The following ZFHX3 variants were observed in gnomAD, a reference collection of about 807,000 sequenced individuals.
The protein encoded by ZFHX3 is zinc finger homeobox protein 3.
A neutral mutation model predicts 279.1 loss-of-function variants in ZFHX3; 42 were observed. That is an observed-to-expected ratio of 0.15 (90% confidence interval 0.12 to 0.19). The LOEUF is 0.19. Ranked by LOEUF, ZFHX3 falls within the 10% of genes least tolerant of loss-of-function variation. The pLI is 1.00. For missense variants in ZFHX3, 4,981 were observed against 4,754.0 expected, an observed-to-expected ratio of 1.05 and a Z score of -1.40; for synonymous variants, 2,293 against 1,957.8, an observed-to-expected ratio of 1.17 and a Z score of -4.52.
intron 3 of ZFHX3, among the ~76,000 whole-genome samples, chr16:73,329,959 G>A (rs1417632657): frequency 6.6e-6 from 1 of 151,988 alleles, no homozygotes; most frequent in Admixed American, 6.6e-5. Context: ...ACTGGCTAGA[G>A]CAGTTGTTAT....
At chr16:72,868,702 A>C (rs2038083101) in intron 4 of ZFHX3, among the ~76,000 whole-genome samples, 1 of 152,200 alleles carries the variant, frequency 6.6e-6, no homozygotes, top group African/African-American at 2.4e-5. Context: ...GCTTCTTAGG[A>C]ATCTTCTCCT....
At chr16:73,086,585 T>C (rs533862594) in intron 8 of ZFHX3, among the ~76,000 whole-genome samples, 1 of 152,302 alleles carries the variant, frequency 6.6e-6, no homozygotes, top group African/African-American at 2.4e-5. Flanking sequence ...TGGACTATCG[T>C]TAGCAATAAT....
At chr16:73,721,183 G>A (rs900179933) in intron 1 of ZFHX3, among the ~76,000 whole-genome samples, 5 of 152,030 alleles carry the variant, frequency 3.3e-5, no homozygotes, top group East Asian at 1.9e-4. Context: ...ATGCAGTGGC[G>A]GGATCTCGGC....
intron 4 of ZFHX3, among the ~76,000 whole-genome samples, chr16:73,307,511 A>G (rs971199640): frequency 2.0e-5 from 3 of 152,244 alleles, no homozygotes; most frequent in Non-Finnish European, 4.4e-5. Context: ...ATTCTAGGAT[A>G]GTCCTTCAAA....
chr16:73,123,046 A>T (rs1966519304), intron 7 of ZFHX3, among the ~76,000 whole-genome samples: 1 of 152,008 alleles, frequency 6.6e-6, no homozygotes, highest in Non-Finnish European at 1.5e-5. Flanking sequence ...AGGCAGGAAG[A>T]GTGTCAGATG....
chr16:73,555,094 C>T (rs554529008), intron 2 of ZFHX3, among the ~76,000 whole-genome samples: 1 of 152,044 alleles, frequency 6.6e-6, no homozygotes, highest in Non-Finnish European at 1.5e-5. Flanking sequence ...ATGAAGGGAG[C>T]GGGAGGTGGG....
chr16:73,193,722 G>C (rs1968088870), intron 5 of ZFHX3, among the ~76,000 whole-genome samples: 1 of 152,124 alleles, frequency 6.6e-6, no homozygotes, highest in South Asian at 2.1e-4. Flanking sequence ...AGACTATGGG[G>C]CCAGACCCTG....
At chr16:73,748,295 A>G (rs439530) in intron 1 of ZFHX3, among the ~76,000 whole-genome samples, 16,784 of 152,162 alleles carry the variant, frequency 0.11, 1,599 homozygotes, top group African/African-American at 0.26. Context: ...AAAGAAAAAC[A>G]GGTCTCTGCT....
rs950622480 is a variant in ZFHX3 at position 72,798,632 on chromosome 16, G to A, written c.4050C>T (p.Asp1350=). ...QSGDLKPSPA[D]PGSVREDSGF... is the part of the protein sequence containing the mutation. ...CTGAGTCTTCTCTCACAGAGCCTGG[G>A]TCAGCAGGGGATGGTTTCAAATCTC... The change falls in exon 9 of 10, where the codon GAC becomes GAT. Residue 1350 remains aspartate (D), a synonymous_variant. Transcript: ENST00000268489. 1 of 1,613,992 alleles carries A rather than the reference G, an allele frequency of 6.2e-7. No homozygotes were observed. The highest frequency in any genetic ancestry group is 1.1e-5 in the South Asian group (1 of 91,062).
intron 4 of ZFHX3, among the ~76,000 whole-genome samples, chr16:72,867,726 A>G (rs1233400593): frequency 0.024 from 41 of 1,714 alleles, no homozygotes; most frequent in African/African-American, 0.23. Flanking sequence ...GACAGGGGAA[A>G]AAAAAAAAAA....
intron 1 of ZFHX3, among the ~76,000 whole-genome samples, chr16:73,012,627 T>C (rs1172192111): frequency 1.3e-5 from 2 of 152,104 alleles, no homozygotes; most frequent in African/African-American, 4.8e-5. Context: ...TATATCTTAA[T>C]CTAGGCAGCT....
At chr16:73,435,087 T>C (rs941659852) in intron 3 of ZFHX3, among the ~76,000 whole-genome samples, 1 of 152,288 alleles carries the variant, frequency 6.6e-6, no homozygotes, top group East Asian at 1.9e-4. Context: ...GCTGGCTGGC[T>C]GGCATTGTGT....
intron 8 of ZFHX3, among the ~76,000 whole-genome samples, chr16:73,084,912 G>T (rs1352278009): frequency 6.6e-6 from 1 of 152,128 alleles, no homozygotes; most frequent in East Asian, 1.9e-4. Flanking sequence ...GACACAAAAA[G>T]ATCAAAGATA....
chr16:73,104,802 T>C (rs1966275740), intron 7 of ZFHX3, among the ~76,000 whole-genome samples: 1 of 152,208 alleles, frequency 6.6e-6, no homozygotes, highest in Non-Finnish European at 1.5e-5. Flanking sequence ...GAAGCCTTCC[T>C]TGGCCACTCC....
intron 2 of ZFHX3, among the ~76,000 whole-genome samples, chr16:73,557,348 G>C (rs1315031335): frequency 6.6e-6 from 1 of 152,068 alleles, no homozygotes; most frequent in Non-Finnish European, 1.5e-5. Flanking sequence ...AACTAGTCCG[G>C]ACCCAGACCT....
intron 7 of ZFHX3, among the ~76,000 whole-genome samples, chr16:73,117,363 T>A (rs990407936): frequency 6.6e-6 from 1 of 152,246 alleles, no homozygotes; most frequent in South Asian, 2.1e-4. Flanking sequence ...AATTGTATAC[T>A]AGGTCATGAA....
rs1389513036 is a variant in ZFHX3 at position 72,957,646 on chromosome 16, ACAT to A, written c.2497_2499del (p.Met833del). 1 of 1,614,048 alleles carries A rather than the reference ACAT, an allele frequency of 6.2e-7. No individual in the cohort carries two copies. Among genetic ancestry groups the A allele is most frequent in the Non-Finnish European group, 8.5e-7 (1 of 1,180,050 alleles). The stretch of plus-strand genomic sequence containing the variant: ...ATCTGGGTCATGTTCTGTTGCAGTA[ACAT>A]CATGTTATGCATGTGCTTCTCACTG... On this transcript the variant is annotated inframe_deletion, in exon 2 of 10. Coordinates refer to ENST00000268489, the MANE Select transcript of ZFHX3 (RefSeq NM_006885.4).
intron 4 of ZFHX3, among the ~76,000 whole-genome samples, chr16:73,260,542 G>A (rs12716877): frequency 0.71 from 107,386 of 151,908 alleles, 38,759 homozygotes; most frequent in South Asian, 0.88. Flanking sequence ...TTCTGGCACA[G>A]TAAGATGTCC....
chr16:73,018,784 T>G (rs1964196391), intron 1 of ZFHX3, among the ~76,000 whole-genome samples: 1 of 152,162 alleles, frequency 6.6e-6, no homozygotes, highest in Non-Finnish European at 1.5e-5. Flanking sequence ...AAACTGGCTG[T>G]CAGTTTCCTC....
Sources: gnomAD v4.1 joint callset for allele counts (sites outside exome capture counted in the v4.1 genomes callset) on GRCh38, gnomAD v4.1.1 for gene constraint, MANE v1.5 for transcripts, NCBI Gene and HGNC (gene_info 2026-07-23, HGNC 2026-07-21) for gene names.